The following ADAM12 variants were observed in gnomAD, a reference collection of about 807,000 sequenced individuals.
ADAM12 encodes disintegrin and metalloproteinase domain-containing protein 12.
A neutral mutation model predicts 106.4 loss-of-function variants in ADAM12; 70 were observed. The ratio of observed to expected loss-of-function variants is 0.66; its 90% CI spans 0.54 to 0.80. ADAM12 has a LOEUF of 0.80. Among genes scored for constraint, ADAM12 ranks in the 30% least tolerant of loss-of-function variants. The pLI, the probability that ADAM12 is intolerant of heterozygous loss-of-function variation, is 0.00. For missense variants in ADAM12, 1,010 were observed against 1,171.9 expected, an observed-to-expected ratio of 0.86 and a Z score of 2.02; for synonymous variants, 420 against 433.5, an observed-to-expected ratio of 0.97 and a Z score of 0.39.
chr10:126,258,954 CT>C (rs1055427929), intron 3 of ADAM12, among the ~76,000 whole-genome samples: 8 of 152,328 alleles, frequency 5.3e-5, no homozygotes, highest in South Asian at 2.1e-4. Context: ...TGTTTCCCCC[CT>C]GTTCCCTACC....
At chr10:126,233,995 G>C (rs1367883037) in intron 3 of ADAM12, among the ~76,000 whole-genome samples, 2 of 152,144 alleles carry the variant, frequency 1.3e-5, no homozygotes, top group Non-Finnish European at 2.9e-5. Flanking sequence ...AAATAAACAG[G>C]CACCTATTTT....
At chr10:126,179,470 G>A (rs1435077003) in intron 3 of ADAM12, among the ~76,000 whole-genome samples, 1 of 152,170 alleles carries the variant, frequency 6.6e-6, no homozygotes, top group Non-Finnish European at 1.5e-5. Flanking sequence ...ATAAAACAAA[G>A]TCAATTCTAG....
At chr10:126,054,984 T>C (rs961350870) in intron 14 of ADAM12, among the ~76,000 whole-genome samples, 2 of 152,170 alleles carry the variant, frequency 1.3e-5, no homozygotes, top group Admixed American at 1.3e-4. Flanking sequence ...TCACACTTCA[T>C]GGTCTCCAGG....
chr10:126,185,419 C>T (rs1957383121), intron 3 of ADAM12, among the ~76,000 whole-genome samples: 1 of 152,110 alleles, frequency 6.6e-6, no homozygotes, highest in African/African-American at 2.4e-5. Context: ...CTTTTCTGAA[C>T]ACAATGCTCC....
chr10:126,048,472 G>A (rs1954385751), intron 16 of ADAM12, among the ~76,000 whole-genome samples: 1 of 152,140 alleles, frequency 6.6e-6, no homozygotes, highest in Admixed American at 6.5e-5. Context: ...AAAGACAGGA[G>A]AGTGGAGGCA....
intron 5 of ADAM12, among the ~76,000 whole-genome samples, chr10:126,120,702 C>G (rs1400890808): frequency 6.6e-6 from 1 of 151,466 alleles, no homozygotes. Flanking sequence ...CCAGAGAGAC[C>G]TTGAGGGTTT....
Position 126,381,105 on chromosome 10 carries a change from G to A in ADAM12, c.88+6953C>T, listed in dbSNP as rs139664539. On this transcript the variant is annotated intron_variant, in intron 1 of 22. Transcript: ENST00000448723. Reference sequence around the variant, plus strand: ...ACATTTATCTAATTAGGTATATGTTGACTTTGAGTTTTTATAGATTTTGAA... The same window carrying A: ...ACATTTATCTAATTAGGTATATGTTAACTTTGAGTTTTTATAGATTTTGAA... Among the ~76,000 whole-genome samples the A allele has an allele frequency of 2.8e-3, 421 of 152,258 alleles. 3 individuals are homozygous for A. Among genetic ancestry groups the A allele is most frequent in the African/African-American group, 9.8e-3 (406 of 41,552 alleles).
At chr10:126,215,468 C>T (rs531996227) in intron 3 of ADAM12, among the ~76,000 whole-genome samples, 5 of 152,246 alleles carry the variant, frequency 3.3e-5, no homozygotes, top group Admixed American at 6.5e-5. Context: ...AGGGCCCCCC[C>T]GAAATCACAG....
chr10:126,256,122 G>A (rs1359279179), intron 3 of ADAM12, among the ~76,000 whole-genome samples: 2 of 152,150 alleles, frequency 1.3e-5, no homozygotes, highest in African/African-American at 2.4e-5. Context: ...CCAGGTAAAA[G>A]TAAATCAAAT....
intron 4 of ADAM12, 117 bp from the exon 5 acceptor site, chr10:126,135,777 C>A: frequency 1.1e-6 from 1 of 897,706 alleles, no homozygotes; most frequent in Non-Finnish European, 1.8e-6. Flanking sequence ...AAATATTGTT[C>A]TACAGTCTTA....
intron 3 of ADAM12, among the ~76,000 whole-genome samples, chr10:126,157,741 T>C (rs530256698): frequency 4.5e-4 from 69 of 152,364 alleles, no homozygotes; most frequent in African/African-American, 1.5e-3. Context: ...CTTGGCAGCG[T>C]TGAGCTCTGA....
intron 22 of ADAM12, among the ~76,000 whole-genome samples, chr10:126,018,106 A>G (rs925549945): frequency 1.3e-5 from 2 of 152,252 alleles, no homozygotes; most frequent in African/African-American, 4.8e-5. Context: ...ACATTTATTA[A>G]GCAGCTCTTT....
At chr10:126,247,280 C>G (rs1390871335) in intron 3 of ADAM12, among the ~76,000 whole-genome samples, 3 of 152,172 alleles carry the variant, frequency 2.0e-5, no homozygotes, top group Non-Finnish European at 4.4e-5. Flanking sequence ...TAGAGAGAGT[C>G]TGAAAATATC....
chr10:126,385,903 G>A (rs1856642907), intron 1 of ADAM12, among the ~76,000 whole-genome samples: 1 of 152,170 alleles, frequency 6.6e-6, no homozygotes, highest in Admixed American at 6.6e-5. Context: ...GCTCTATTGT[G>A]GAGGAAAATA....
At chr10:126,309,781 T>A (rs747653558) in intron 2 of ADAM12, among the ~76,000 whole-genome samples, 99 of 152,268 alleles carry the variant, frequency 6.5e-4, no homozygotes, top group Non-Finnish European at 1.1e-3. Context: ...ATTGAGATGA[T>A]CTAAGACAGT....
At chr10:126,089,855 C>A (rs1955429512) in intron 11 of ADAM12, among the ~76,000 whole-genome samples, 1 of 152,276 alleles carries the variant, frequency 6.6e-6, no homozygotes, top group East Asian at 1.9e-4. Context: ...CCCCCAAACC[C>A]CCACTTAAAG....
intron 3 of ADAM12, among the ~76,000 whole-genome samples, chr10:126,233,471 G>C (rs1958353435): frequency 6.6e-6 from 1 of 152,166 alleles, no homozygotes; most frequent in Non-Finnish European, 1.5e-5. Context: ...AGTGGAGAAA[G>C]AGAGAAAAGT....
At position 126,234,514 on chromosome 10, in the gene ADAM12, C is replaced by T. The variant is rs375832470; in HGVS notation, c.260+44401G>A. On this transcript the variant is annotated intron_variant, in intron 3 of 22. Coordinates refer to ENST00000448723, the MANE Select transcript of ADAM12 (RefSeq NM_001288973.2). ...TTACAACGTTTCTAGTTCAACAAGA[C>T]GACTCCTTTCTTACTTCCCATGTGC... Among the ~76,000 whole-genome samples, 76 of 152,292 alleles carry T rather than the reference C, an allele frequency of 5.0e-4. 1 individual carries two copies. The highest frequency in any genetic ancestry group is 4.6e-3 in the Admixed American group (71 of 15,294).
chr10:126,195,248 T>C (rs1004607890), intron 3 of ADAM12, among the ~76,000 whole-genome samples: 1 of 152,188 alleles, frequency 6.6e-6, no homozygotes. Context: ...ATTTTAAGTG[T>C]TCTCACCACA....
Sources: gnomAD v4.1 joint callset for allele counts (sites outside exome capture counted in the v4.1 genomes callset) on GRCh38, gnomAD v4.1.1 for gene constraint, MANE v1.5 for transcripts, NCBI Gene and HGNC (gene_info 2026-07-23, HGNC 2026-07-21) for gene names.